TRPV5: variants seen among roughly 807,000 people sequenced by gnomAD.
TRPV5 encodes the protein transient receptor potential cation channel subfamily V member 5, also known as calcium transport protein 2.
TRPV5 carries 66 observed loss-of-function variants against 74.1 expected under a neutral mutation model. The ratio of observed to expected loss-of-function variants is 0.89; its 90% CI spans 0.73 to 1.09. The LOEUF (loss-of-function observed/expected upper bound fraction) is 1.09. TRPV5 is among the 50% of genes least tolerant of loss of function. The pLI is 0.00. For missense variants in TRPV5, 936 were observed against 930.4 expected (o/e 1.01, Z -0.08); for synonymous variants, 399 against 360.7 (o/e 1.11, Z -1.20).
At position 142,912,733 on chromosome 7, in the gene TRPV5, G is replaced by A; in HGVS notation, c.1537C>T (p.Gln513Ter). The A allele has an allele frequency of 6.2e-7, 1 of 1,614,070 alleles. No individual in the cohort carries two copies. The highest frequency in any genetic ancestry group is 8.5e-7 in the Non-Finnish European group (1 of 1,179,928). Residue 513 changes from glutamine to a stop codon, truncating the protein, a stop_gained, in exon 13 of 15, where the codon CAG becomes TAG. Transcript: ENST00000265310. LOFTEE classifies it high-confidence loss of function. Reference sequence around the variant, plus strand: ...CCCAGACTGGTTGGGTCCTCTGTCTGGAAAATGATATAGAACGCTGCTCCG... The same window carrying A: ...CCCAGACTGGTTGGGTCCTCTGTCTAGAAAATGATATAGAACGCTGCTCCG... ...GFASAFYIIF[Q>*]TEDPTSLGQF...
chr7:142,911,332 A>C (rs1399212293), intron 13 of TRPV5, among the ~76,000 whole-genome samples: 4 of 152,228 alleles, frequency 2.6e-5, no homozygotes, highest in Non-Finnish European at 5.9e-5. Flanking sequence ...GAGGACTAAC[A>C]CATCCTCTTC....
chr7:142,925,857 T>C (rs914226715), intron 7 of TRPV5, 116 bp from the exon 8 acceptor site: 2 of 855,822 alleles, frequency 2.3e-6, no homozygotes, highest in Admixed American at 2.1e-5. Flanking sequence ...CATCAGTCAC[T>C]TATTTGACGG....
chr7:142,912,856 C>A (rs536477407), intron 12 of TRPV5, 106 bp from the exon 13 acceptor site: 1 of 944,172 alleles, frequency 1.1e-6, no homozygotes, highest in Middle Eastern at 3.3e-4. Flanking sequence ...ATCTATCTAT[C>A]TATCTATCTA....
At position 142,930,172 on chromosome 7, in the gene TRPV5, C is replaced by A; in HGVS notation, c.235G>T (p.Gly79Trp). The A allele has an allele frequency of 6.2e-7, 1 of 1,612,594 alleles. No homozygotes were observed. Among genetic ancestry groups the A allele is most frequent in the South Asian group, 1.1e-5 (1 of 90,788 alleles). Residue 79 changes from glycine (G) to tryptophan (W), a missense_variant, in exon 3 of 15, where the codon GGG becomes TGG. Transcript: ENST00000265310. The stretch of plus-strand genomic sequence containing the variant: ...GCTGCTATGTGCAGCGCCGTCTCCC[C>A]CAGGGCTCCTGGATTGGAGTAAGAC... ...TCDVRQRGALGETALHIAALY... is the reference protein window; with the variant it reads ...TCDVRQRGALWETALHIAALY...
chr7:142,929,906 G>A, intron 3 of TRPV5, 152 bp downstream of exon 3: 1 of 1,266,252 alleles, frequency 7.9e-7, no homozygotes, highest in Non-Finnish European at 1.1e-6. Context: ...GCCAAGACCA[G>A]GACCTTTGCA....
intron 1 of TRPV5, among the ~76,000 whole-genome samples, chr7:142,932,032 A>G (rs957751006): frequency 2.6e-5 from 4 of 152,116 alleles, no homozygotes; most frequent in Non-Finnish European, 4.4e-5. Flanking sequence ...AGAAGCTTTT[A>G]ATCTAAAGGT....
intron 13 of TRPV5, among the ~76,000 whole-genome samples, chr7:142,911,930 A>C (rs1795708715): frequency 1.3e-5 from 2 of 152,206 alleles, no homozygotes; most frequent in African/African-American, 4.8e-5. Flanking sequence ...AAATCTTTAA[A>C]AATATGGGAA....
intron 4 of TRPV5, 21 bp from the exon 5 acceptor site, chr7:142,929,141 A>T: frequency 6.2e-7 from 1 of 1,612,720 alleles, no homozygotes; most frequent in Non-Finnish European, 8.5e-7. Flanking sequence ...AGAGAGATCC[A>T]TGGCAGGAGA....
At chr7:142,912,258 CTG>C (rs1795712076) in intron 13 of TRPV5, among the ~76,000 whole-genome samples, 1 of 152,216 alleles carries the variant, frequency 6.6e-6, no homozygotes, top group Admixed American at 6.5e-5. Context: ...TACTTTTCCC[CTG>C]TGAGCAACAA....
intron 1 of TRPV5, 113 bp from the exon 2 acceptor site, chr7:142,930,559 G>A (rs1379976088): frequency 1.2e-5 from 10 of 818,608 alleles, no homozygotes; most frequent in Non-Finnish European, 2.1e-5. Flanking sequence ...AGCGTGCAGT[G>A]ACAAATTGGA....
At chr7:142,932,390 A>G (rs1796111949) in intron 1 of TRPV5, among the ~76,000 whole-genome samples, 2 of 152,196 alleles carry the variant, frequency 1.3e-5, no homozygotes, top group Non-Finnish European at 2.9e-5. Context: ...GCTTGACAGT[A>G]TGAGGGCTCA....
chr7:142,916,355 G>A (rs901679776), intron 8 of TRPV5, among the ~76,000 whole-genome samples: 5 of 152,182 alleles, frequency 3.3e-5, no homozygotes, highest in Non-Finnish European at 5.9e-5. Flanking sequence ...TTCAATGCAT[G>A]TTACTTCACG....
intron 13 of TRPV5, among the ~76,000 whole-genome samples, chr7:142,911,576 T>C (rs1795704563): frequency 6.6e-6 from 1 of 152,216 alleles, no homozygotes; most frequent in Admixed American, 6.5e-5. Flanking sequence ...ACATTCTCTA[T>C]AGCACTTTTG....
rs188087491 is a variant in TRPV5 at position 142,915,555 on chromosome 7, G to A, written c.1136C>T (p.Thr379Ile). The A allele has an allele frequency of 1.2e-6, 2 of 1,614,154 alleles. No homozygotes were observed. The highest frequency in any genetic ancestry group is 1.7e-5 in the Admixed American group (1 of 60,028). The change falls in exon 9 of 15, where the codon ACA (threonine) becomes ATA (isoleucine). Residue 379 changes from threonine to isoleucine, a missense_variant. Thr to Ile is a moderately conservative substitution (Grantham distance 89). Transcript: ENST00000265310. ...CACCAGCCTGATGATATCTTCACGT[G>A]TCTCATAGGCCTCCTATGTGGGGAA... is the stretch of plus-strand genomic sequence containing the variant. ...QQKLLQEAYETREDIIRLVGE... is the reference protein window; with the variant it reads ...QQKLLQEAYEIREDIIRLVGE...
At position 142,915,511 on chromosome 7, in the gene TRPV5, C is replaced by T. The variant is rs138078837; in HGVS notation, c.1180G>A (p.Val394Ile). 2.9e-5 allele frequency: 46 copies of T among 1,614,036 alleles called. No homozygotes were observed. The highest frequency in any genetic ancestry group is 3.3e-4 in the Middle Eastern group (2 of 6,082). ...AGGAGCAGGATGATCACAGCCCCAACGATGCTCACCAGCTCCCCCACCAGC... is the reference window on the plus strand; with the variant it reads ...AGGAGCAGGATGATCACAGCCCCAATGATGCTCACCAGCTCCCCCACCAGC... Reference protein sequence around the residue: ...IRLVGELVSIVGAVIILLLEI... With the variant: ...IRLVGELVSIIGAVIILLLEI... Residue 394 changes from valine (V) to isoleucine (I), a missense_variant, in exon 9 of 15, where the codon GTT becomes ATT. By Grantham distance (29) the Val-to-Ile change is conservative (BLOSUM62 3). Transcript: ENST00000265310.
At position 142,928,244 on chromosome 7, in the gene TRPV5, C is replaced by T. The variant is rs1324130073; in HGVS notation, c.763-10G>A. ...TCAGGTGCTGGAACATCTGAGAGACCACCAGGATGAGTCAGGGGGCCAACG... is the reference window on the plus strand; with the variant it reads ...TCAGGTGCTGGAACATCTGAGAGACTACCAGGATGAGTCAGGGGGCCAACG... On this transcript the variant is annotated splice_polypyrimidine_tract_variant and intron_variant, in intron 6 of 14. Coordinates refer to ENST00000265310, the MANE Select transcript of TRPV5 (RefSeq NM_019841.7). The T allele has an allele frequency of 6.2e-7, 1 of 1,614,018 alleles. No individual in the cohort carries two copies. Among genetic ancestry groups the T allele is most frequent in the Non-Finnish European group, 8.5e-7 (1 of 1,180,026 alleles).
At chr7:142,909,935 A>T (rs1795677960) in intron 13 of TRPV5, among the ~76,000 whole-genome samples, 1 of 152,246 alleles carries the variant, frequency 6.6e-6, no homozygotes, top group African/African-American at 2.4e-5. Flanking sequence ...AAATAAAATG[A>T]TTAAAGAGAA....
At chr7:142,909,078 G>C (rs1195825051) in intron 14 of TRPV5, among the ~76,000 whole-genome samples, 1 of 152,108 alleles carries the variant, frequency 6.6e-6, no homozygotes, top group Non-Finnish European at 1.5e-5. Flanking sequence ...TAATACGTAG[G>C]AATGTGAAAG....
intron 1 of TRPV5, 128 bp downstream of exon 1, chr7:142,933,204 A>T (rs1484111430): frequency 7.9e-7 from 1 of 1,267,968 alleles, no homozygotes; most frequent in Non-Finnish European, 1.1e-6. Flanking sequence ...CTGGAAGGAA[A>T]GGGTATGTCT....
Sources: allele counts gnomAD v4.1 joint callset (sites outside exome capture counted in the v4.1 genomes callset), GRCh38; gene constraint gnomAD v4.1.1; transcripts MANE v1.5; gene names NCBI Gene and HGNC (gene_info 2026-07-23, HGNC 2026-07-21).